ODAD2: variants seen among roughly 807,000 people sequenced by gnomAD.
The protein encoded by ODAD2 is outer dynein arm docking complex subunit 2, also known as outer dynein arm-docking complex subunit 2.
In ODAD2, 89 loss-of-function variants were observed where a neutral mutation model predicts 106.8. The observed-to-expected ratio is 0.83, with a 90% CI of 0.70 to 0.99. ODAD2 has a LOEUF of 0.99. Ranked by LOEUF, ODAD2 falls within the 50% of genes least tolerant of loss-of-function variation. The pLI is 0.00. For synonymous variants in ODAD2, 404 were observed against 436.2 expected, an observed-to-expected ratio of 0.93 and a Z score of 0.92; for missense variants, 1,168 against 1,238.5, an observed-to-expected ratio of 0.94 and a Z score of 0.85.
intron 17 of ODAD2, among the ~76,000 whole-genome samples, chr10:27,883,110 C>G: frequency 6.6e-6 from 1 of 151,862 alleles, no homozygotes; most frequent in East Asian, 1.9e-4. Flanking sequence ...GAAAAGATCT[C>G]AGAAGGCCTT....
In ODAD2 at chr10:27,944,361, C is replaced by T. The variant is rs1044986405; in HGVS notation, c.1604G>A (p.Gly535Glu). 3 of 1,613,834 alleles carry T rather than the reference C, an allele frequency of 1.9e-6. No homozygotes were observed. Among genetic ancestry groups the T allele is most frequent in the Non-Finnish European group, 2.5e-6 (3 of 1,179,958 alleles). ...TATATTCACCATAATTGGTAAGCCC[C>T]CAAGGTCAACAATATTCTGTCTGAT... ...PQIRQNIVDLGGLPIMVNILD... is the reference protein window; with the variant it reads ...PQIRQNIVDLEGLPIMVNILD... The change falls in exon 12 of 20, where the codon GGG becomes GAG. Residue 535 changes from glycine (G) to glutamate (E), a missense_variant. Physicochemically the swap from Gly to Glu is moderately conservative, Grantham distance 98. Transcript: ENST00000305242.
chr10:27,861,018 G>A (rs1461202599), intron 18 of ODAD2, among the ~76,000 whole-genome samples, 172 bp from the exon 19 acceptor site: 1 of 152,152 alleles, frequency 6.6e-6, no homozygotes, highest in Non-Finnish European at 1.5e-5. Flanking sequence ...TTTAGATGGA[G>A]TCTCACTCTG....
intron 19 of ODAD2, among the ~76,000 whole-genome samples, chr10:27,819,470 G>A (rs1165454543): frequency 6.6e-6 from 1 of 151,886 alleles, no homozygotes; most frequent in Non-Finnish European, 1.5e-5. Context: ...TTTCAGGCCG[G>A]GTGGATGCCT....
At chr10:27,982,579 TAAG>T (rs1156776293) in intron 6 of ODAD2, among the ~76,000 whole-genome samples, 1 of 152,078 alleles carries the variant, frequency 6.6e-6, no homozygotes, top group Non-Finnish European at 1.5e-5. Flanking sequence ...GTCATGCTAA[TAAG>T]AAAAGCACCA....
At chr10:27,939,424 T>C (rs1384709541) in intron 14 of ODAD2, among the ~76,000 whole-genome samples, 1 of 152,040 alleles carries the variant, frequency 6.6e-6, no homozygotes, top group Non-Finnish European at 1.5e-5. Context: ...GAGTTCTTGT[T>C]AAAAATGCAG....
chr10:27,910,520 C>T (rs1843927680), intron 16 of ODAD2, among the ~76,000 whole-genome samples: 1 of 152,028 alleles, frequency 6.6e-6, no homozygotes, highest in Non-Finnish European at 1.5e-5. Flanking sequence ...CTTTGGGAGG[C>T]CAAGGTGGGT....
At chr10:27,965,122 T>C (rs1340191255) in intron 9 of ODAD2, among the ~76,000 whole-genome samples, 2 of 152,064 alleles carry the variant, frequency 1.3e-5, no homozygotes, top group South Asian at 2.1e-4. Flanking sequence ...TGATGGGACA[T>C]AGGATGAAAG....
At chr10:27,917,639 T>A (rs1246797734) in intron 16 of ODAD2, among the ~76,000 whole-genome samples, 1 of 152,060 alleles carries the variant, frequency 6.6e-6, no homozygotes, top group Non-Finnish European at 1.5e-5. Flanking sequence ...TGACAAACTT[T>A]TTCAGTAAAG....
intron 17 of ODAD2, among the ~76,000 whole-genome samples, chr10:27,892,016 A>C (rs925357447): frequency 5.9e-5 from 9 of 152,178 alleles, no homozygotes; most frequent in Non-Finnish European, 8.8e-5. Flanking sequence ...CATAATACTG[A>C]ACACCTGTTC....
At chr10:27,989,915 A>C (rs1038666856) in intron 2 of ODAD2, among the ~76,000 whole-genome samples, 2 of 152,114 alleles carry the variant, frequency 1.3e-5, no homozygotes, top group Non-Finnish European at 2.9e-5. Flanking sequence ...TTTGAAGAGG[A>C]AGTTTCAGTT....
chr10:27,945,521 A>C (rs892744203), intron 10 of ODAD2, among the ~76,000 whole-genome samples: 3 of 152,218 alleles, frequency 2.0e-5, no homozygotes, highest in Non-Finnish European at 2.9e-5. Flanking sequence ...GACGAAGAAG[A>C]AAGCAAGCTT....
intron 2 of ODAD2, among the ~76,000 whole-genome samples, chr10:27,993,292 G>C (rs1588676062): frequency 6.6e-6 from 1 of 152,152 alleles, no homozygotes; most frequent in South Asian, 2.1e-4. Flanking sequence ...GAACAATACA[G>C]AAATGACAAC....
At chr10:27,891,530 T>C (rs746534057) in intron 17 of ODAD2, among the ~76,000 whole-genome samples, 22 of 152,138 alleles carry the variant, frequency 1.4e-4, no homozygotes, top group Non-Finnish European at 2.5e-4. Flanking sequence ...AACAACTGAC[T>C]TATTATACAT....
chr10:27,985,066 C>T lies in ODAD2; in HGVS notation c.528G>A (p.Lys176=). ...GATTGAGGAGGTGCAGATCCAATTG[C>T]TTAAGCAGCATAGCAATCTTCATCT... ...EIKMKIAMLL[K]QLDLHLLNHS... The change falls in exon 4 of 20, where the codon AAG becomes AAA. Residue 176 remains lysine (K), a synonymous_variant. Transcript: ENST00000305242. 2 of 1,609,226 alleles carry T rather than the reference C, an allele frequency of 1.2e-6. No individual in the cohort carries two copies. Among genetic ancestry groups the T allele is most frequent in the African/African-American group, 1.3e-5 (1 of 74,860 alleles).
chr10:27,837,201 G>A (rs1300317672), intron 19 of ODAD2, among the ~76,000 whole-genome samples: 4 of 152,188 alleles, frequency 2.6e-5, no homozygotes, highest in African/African-American at 7.2e-5. Context: ...TGTCTGTGCT[G>A]CCCTGTGACC....
intron 17 of ODAD2, among the ~76,000 whole-genome samples, chr10:27,892,871 G>A (rs188377466): frequency 2.6e-5 from 4 of 152,268 alleles, no homozygotes; most frequent in South Asian, 2.1e-4. Context: ...TACTACGGCC[G>A]GGTGTGGTAA....
intron 19 of ODAD2, among the ~76,000 whole-genome samples, chr10:27,834,624 C>T (rs1421038688): frequency 2.0e-5 from 3 of 152,100 alleles, no homozygotes; most frequent in Non-Finnish European, 1.5e-5. Context: ...GAGAGGCAGG[C>T]AGGGGGCAGA....
At chr10:27,935,302 T>C in intron 15 of ODAD2, 50 bp from the exon 16 acceptor site, 1 of 1,597,470 alleles carries the variant, frequency 6.3e-7, no homozygotes. Flanking sequence ...TAAGGTTTGC[T>C]AAAAATTACT....
intron 14 of ODAD2, 73 bp downstream of exon 14, chr10:27,939,824 A>T: frequency 2.6e-6 from 2 of 778,760 alleles, no homozygotes; most frequent in Non-Finnish European, 3.9e-6. Flanking sequence ...ACAGAAGGAA[A>T]CCACATGGTT....
Sources: gnomAD v4.1 joint callset for allele counts (sites outside exome capture counted in the v4.1 genomes callset) on GRCh38, gnomAD v4.1.1 for gene constraint, MANE v1.5 for transcripts, NCBI Gene and HGNC (gene_info 2026-07-23, HGNC 2026-07-21) for gene names.